Variants in TMEM38B observed in about 807,000 individuals in gnomAD.
TMEM38B encodes the protein trimeric intracellular cation channel type B.
In TMEM38B, 24 loss-of-function variants were observed where a neutral mutation model predicts 28.7. That is an observed-to-expected ratio of 0.84 (90% CI 0.61 to 1.18). TMEM38B has a LOEUF of 1.18. TMEM38B is among the 50% of genes most tolerant of loss of function. The pLI is 0.00. For synonymous variants in TMEM38B, 131 were observed against 127.7 expected (o/e 1.03, Z -0.17); for missense variants, 380 against 350.9 (o/e 1.08, Z -0.66).
intron 5 of TMEM38B, among the ~76,000 whole-genome samples, chr9:105,751,854 G>T (rs10046892): frequency 0.21 from 31,670 of 152,028 alleles, 5,130 homozygotes; most frequent in East Asian, 0.47. Context: ...CTTTAAGCAG[G>T]ACCCTGATTC....
chr9:105,750,520 A>G (rs1014589070), intron 5 of TMEM38B, among the ~76,000 whole-genome samples: 2 of 152,166 alleles, frequency 1.3e-5, no homozygotes, highest in Admixed American at 1.3e-4. Flanking sequence ...AGGCTGAGGC[A>G]GTAGAATCAC....
intron 5 of TMEM38B, among the ~76,000 whole-genome samples, chr9:105,752,396 T>A (rs573079227): frequency 2.8e-4 from 43 of 152,284 alleles, no homozygotes; most frequent in African/African-American, 9.1e-4. Flanking sequence ...CAGGGATCTG[T>A]AACCACCTCC....
rs185571000 is a variant in TMEM38B at position 105,738,653 on chromosome 9, C to T, written c.543-9420C>T. Among the ~76,000 whole-genome samples, 93 of 150,110 alleles carry T rather than the reference C, an allele frequency of 6.2e-4. No individual in the cohort carries two copies. The East Asian group carries it at 8.6e-3, about 14-fold the overall frequency. On this transcript the variant is annotated intron_variant, in intron 4 of 5. Transcript: ENST00000374692. Reference sequence around the variant, plus strand: ...AAATCTAAGGTCATGAAGATTTTCCCGTGTTTTCTTTTAAGAGTTAACTTA... The same window carrying T: ...AAATCTAAGGTCATGAAGATTTTCCTGTGTTTTCTTTTAAGAGTTAACTTA...
At chr9:105,758,667 C>T in intron 5 of TMEM38B, 2 of 778,570 alleles carry the variant, frequency 2.6e-6, no homozygotes, top group African/African-American at 1.7e-5. Context: ...ATTTAAAACT[C>T]TGCCACGAAG....
In TMEM38B at chr9:105,748,072, G is replaced by A; in HGVS notation, c.543-1G>A. 4 of 1,605,050 alleles carry A rather than the reference G, an allele frequency of 2.5e-6. No individual in the cohort carries two copies. The highest frequency in any genetic ancestry group is 3.4e-6 in the Non-Finnish European group (4 of 1,173,302). ...TGATTTAAAATGTGTTTTATTTTCA[G>A]CCCTGCCAAGGTAACCCTGCTGGGG... On this transcript the variant is annotated splice_acceptor_variant, in intron 4 of 5. Coordinates refer to ENST00000374692, the MANE Select transcript of TMEM38B (RefSeq NM_018112.3). LOFTEE classifies it high-confidence loss of function.
In TMEM38B at chr9:105,758,028, T is replaced by C. The variant is rs1180661743; in HGVS notation, c.660+9838T>C. 3 of 239,788 alleles carry C rather than the reference T, an allele frequency of 1.3e-5. No homozygotes were observed. In the East Asian group the frequency reaches 2.8e-4, roughly 23 times the overall value. 14.9% of individuals were successfully genotyped at this position (239,788 alleles called of 1,614,324 possible). On this transcript the variant is annotated intron_variant, in intron 5 of 5. Coordinates refer to ENST00000374692, the MANE Select transcript of TMEM38B (RefSeq NM_018112.3). ...GGGGCACAACTTTATCAGAACCACT[T>C]TAAAAAAATTCTTTAGCAGATGCTA... is the stretch of plus-strand genomic sequence containing the variant.
Position 105,705,713 on chromosome 9 carries a change from C to G in TMEM38B, c.229C>G (p.Leu77Val). ...LLLAEPPLKF[L>V]ANHTNILLAS... is the part of the protein sequence containing the mutation. ...GCTTGCAGAGCCTCCATTGAAGTTT[C>G]TTGCAAACCACACTAACATATTACT... The change falls in exon 2 of 6, where the codon CTT becomes GTT. Residue 77 changes from leucine to valine, a missense_variant. Leu to Val is a conservative substitution (Grantham distance 32). Transcript: ENST00000374692. 2 of 1,613,860 alleles carry G rather than the reference C, an allele frequency of 1.2e-6. No homozygotes were observed. The highest frequency in any genetic ancestry group is 3.3e-4 in the Middle Eastern group (2 of 6,062).
intron 5 of TMEM38B, among the ~76,000 whole-genome samples, chr9:105,752,725 A>G (rs903749534): frequency 6.6e-5 from 10 of 152,200 alleles, no homozygotes; most frequent in Non-Finnish European, 1.2e-4. Context: ...AAGAATGCAA[A>G]AATGGTGAAA....
At chr9:105,716,339 A>G (rs1391550380) in intron 2 of TMEM38B, among the ~76,000 whole-genome samples, 1 of 150,942 alleles carries the variant, frequency 6.6e-6, no homozygotes, top group Non-Finnish European at 1.5e-5. Context: ...CTTATCTGGT[A>G]TTAGAGATGC....
rs184487396 is a variant in TMEM38B, at chr9:105,711,998, A to G, written c.269+6245A>G. Among the ~76,000 whole-genome samples the G allele has an allele frequency of 3.3e-5, 5 of 151,792 alleles. No homozygotes were observed. In the East Asian group the frequency reaches 7.8e-4, roughly 24 times the overall value. On this transcript the variant is annotated intron_variant, in intron 2 of 5. Coordinates refer to ENST00000374692, the MANE Select transcript of TMEM38B (RefSeq NM_018112.3). Reference sequence around the variant, plus strand: ...GTGGAGTGGCTCTCGGCTCACTGCAATTTCTGCCTCCCAGGTTCAAGCAGT... The same window carrying G: ...GTGGAGTGGCTCTCGGCTCACTGCAGTTTCTGCCTCCCAGGTTCAAGCAGT...
At chr9:105,758,331 G>T (rs1336354744) in intron 5 of TMEM38B, 6 of 839,436 alleles carry the variant, frequency 7.1e-6, no homozygotes, top group East Asian at 2.4e-5. Context: ...CTAGAATTCA[G>T]ATCTTCCTGG....
At chr9:105,717,221 A>AGT (rs748571528) in intron 2 of TMEM38B, among the ~76,000 whole-genome samples, 22 of 152,296 alleles carry the variant, frequency 1.4e-4, no homozygotes, top group Non-Finnish European at 2.4e-4. Flanking sequence ...CGCCTTCAGA[A>AGT]GTAACCATTA....
chr9:105,727,044 A>G (rs1836543848), intron 4 of TMEM38B, among the ~76,000 whole-genome samples: 3 of 152,112 alleles, frequency 2.0e-5, no homozygotes, highest in Non-Finnish European at 2.9e-5. Flanking sequence ...CATCTCACAT[A>G]GTTTCTTATT....
At position 105,748,153 on chromosome 9, in the gene TMEM38B, T is replaced by A. The variant is rs1837499804; in HGVS notation, c.623T>A (p.Leu208His). Residue 208 changes from leucine to histidine, a missense_variant, in exon 5 of 6, where the codon CTT becomes CAT. Transcript: ENST00000374692. Reference sequence around the variant, plus strand: ...CATCTGGCAATATCAAAGCATAATCTTATGTTCCTTTATACCATCTTTATT... The same window carrying A: ...CATCTGGCAATATCAAAGCATAATCATATGTTCCTTTATACCATCTTTATT... ...TQHLAISKHNLMFLYTIFIVA... is the reference protein window; with the variant it reads ...TQHLAISKHNHMFLYTIFIVA... 1 of 1,613,278 alleles carries A rather than the reference T, an allele frequency of 6.2e-7. No individual in the cohort carries two copies. Among genetic ancestry groups the A allele is most frequent in the African/African-American group, 1.3e-5 (1 of 74,908 alleles).
chr9:105,769,738 C>G (rs139188814), intron 5 of TMEM38B, among the ~76,000 whole-genome samples: 1 of 152,022 alleles, frequency 6.6e-6, no homozygotes, highest in African/African-American at 2.4e-5. Context: ...TTGTCTAGCT[C>G]TGTAAAAAAC....
chr9:105,716,380 G>GTGTGTGTA (rs1307037638), intron 2 of TMEM38B, among the ~76,000 whole-genome samples: 1 of 152,042 alleles, frequency 6.6e-6, no homozygotes, highest in Admixed American at 6.6e-5. Context: ...GCATTTGTGT[G>GTGTGTGTA]TGTGTGTGTG....
intron 4 of TMEM38B, among the ~76,000 whole-genome samples, chr9:105,746,274 C>A (rs1827502507): frequency 6.6e-6 from 1 of 152,086 alleles, no homozygotes. Flanking sequence ...TTGTAGTTCT[C>A]CTTGAAGAGG....
intron 1 of TMEM38B, among the ~76,000 whole-genome samples, 156 bp from the exon 2 acceptor site, chr9:105,705,441 G>A (rs1835620968): frequency 6.6e-6 from 1 of 152,170 alleles, no homozygotes; most frequent in African/African-American, 2.4e-5. Flanking sequence ...AGAATAAAAG[G>A]TATGATTTTT....
intron 2 of TMEM38B, among the ~76,000 whole-genome samples, chr9:105,712,811 A>AC (rs1835953188): frequency 6.6e-6 from 1 of 152,040 alleles, no homozygotes; most frequent in Non-Finnish European, 1.5e-5. Flanking sequence ...ACAGCCCCAC[A>AC]CCCCCCACAG....
Sources: allele counts gnomAD v4.1 joint callset (sites outside exome capture counted in the v4.1 genomes callset), GRCh38; gene constraint gnomAD v4.1.1; transcripts MANE v1.5; gene names NCBI Gene and HGNC (gene_info 2026-07-23, HGNC 2026-07-21).